The following CSPP1 variants were observed in gnomAD, a reference collection of about 807,000 sequenced individuals.
CSPP1 encodes centrosome and spindle pole-associated protein 1.
Under a neutral mutation model 164.4 loss-of-function variants are expected in CSPP1, and 126 were observed. The ratio of observed to expected loss-of-function variants is 0.77; its 90% CI spans 0.66 to 0.89. The LOEUF (loss-of-function observed/expected upper bound fraction) is 0.89. CSPP1 is among the 40% of genes least tolerant of loss of function. The probability of loss-of-function intolerance (pLI) is 0.00; values close to 1 mark genes in which losing one functional copy is unlikely to be tolerated. For synonymous variants in CSPP1, 472 were observed against 476.7 expected, an observed-to-expected ratio of 0.99 and a Z score of 0.13; for missense variants, 1,395 against 1,449.8, an observed-to-expected ratio of 0.96 and a Z score of 0.61.
intron 30 of CSPP1, 120 bp from the exon 31 acceptor site, chr8:67,195,262 C>A: frequency 1.3e-6 from 1 of 745,836 alleles, no homozygotes; most frequent in Non-Finnish European, 2.4e-6. Flanking sequence ...CAGTAGAGTT[C>A]AGGATATGAG....
chr8:67,192,605 A>AACCACAAG (rs1836682805), intron 29 of CSPP1, among the ~76,000 whole-genome samples: 2 of 152,148 alleles, frequency 1.3e-5, no homozygotes, highest in South Asian at 4.1e-4. Flanking sequence ...AACCATTGCC[A>AACCACAAG]ACCACAAGAT....
At position 67,159,950 on chromosome 8, in the gene CSPP1, CTTCCTTCTTTCTTTTCTT is replaced by C. The variant is rs1180820008; in HGVS notation, c.2538+817_2538+834del. Among the ~76,000 whole-genome samples the C allele has an allele frequency of 5.6e-3, 154 of 27,464 alleles. 1 individual carries two copies. Among genetic ancestry groups the C allele is most frequent in the South Asian group, 0.016 (11 of 688 alleles). The allele number at this position is 27,464 out of a possible 152,430, so 18.0% of individuals were successfully genotyped here. On this transcript the variant is annotated intron_variant, in intron 21 of 30. Transcript: ENST00000678616. Reference sequence around the variant, plus strand: ...CTTTCCTTCCTTCCTTCCTTCCTTCCTTCCTTCTTTCTTTTCTTTTCTTTTCTTTTCTTTTCTTTTCTT... The same window carrying C: ...CTTTCCTTCCTTCCTTCCTTCCTTCCTTCTTTTCTTTTCTTTTCTTTTCTT...
At position 67,074,356 on chromosome 8, in the gene CSPP1, A is replaced by G. The variant is rs1181143579; in HGVS notation, c.99+5A>G. ...CCACCTTACATGGAAATGAAGGTAA[A>G]TTTAATAATTTTCTTTGAACATGTT... On this transcript the variant is annotated splice_donor_5th_base_variant and intron_variant, in intron 2 of 30. Transcript: ENST00000678616. 5 of 1,541,466 alleles carry G rather than the reference A, an allele frequency of 3.2e-6. No homozygotes were observed. The highest frequency in any genetic ancestry group is 3.5e-4 in the Middle Eastern group (2 of 5,794).
rs1837873826 is a variant in CSPP1, at chr8:67,196,036, A to AAT, written c.*444_*445dup. On this transcript the variant is annotated 3_prime_UTR_variant, in exon 31 of 31. Coordinates refer to ENST00000678616, the MANE Select transcript of CSPP1 (RefSeq NM_001382391.1). Reference sequence around the variant, plus strand: ...GATTATTCCAGTTTCTGTGTGATGCAATCAAATGTCCTATTAATTAATTAT... The same window carrying AAT: ...GATTATTCCAGTTTCTGTGTGATGCAATATCAAATGTCCTATTAATTAATTAT... 6.5e-6 allele frequency: 1 copy of AAT among 154,380 alleles called. No individual in the cohort carries two copies. 9.6% of individuals were successfully genotyped at this position (154,380 alleles called of 1,614,324 possible).
At chr8:67,170,290 CAAAAAAA>C (rs113067786) in intron 24 of CSPP1, among the ~76,000 whole-genome samples, 1 of 102,526 alleles carries the variant, frequency 9.8e-6, no homozygotes, top group Non-Finnish European at 2.3e-5. Flanking sequence ...ACTAAAAATA[CAAAAAAA>C]AAAAAAAAAA....
chr8:67,098,349 TA>T (rs1170681530), intron 7 of CSPP1, among the ~76,000 whole-genome samples: 1 of 151,476 alleles, frequency 6.6e-6, no homozygotes, highest in African/African-American at 2.4e-5. Flanking sequence ...AGTTTTGGTT[TA>T]TAATAATTTT....
chr8:67,086,992 G>T (rs964253541), intron 4 of CSPP1: 6 of 404,632 alleles, frequency 1.5e-5, no homozygotes. Flanking sequence ...ATGTTTGAAT[G>T]GCACCATTTT....
intron 17 of CSPP1, among the ~76,000 whole-genome samples, chr8:67,148,485 C>A (rs1447118361): frequency 6.6e-6 from 1 of 152,190 alleles, no homozygotes; most frequent in Admixed American, 6.5e-5. Context: ...ATTATGCTTT[C>A]CTACTTATCT....
chr8:67,106,820 T>A (rs1815643556), intron 9 of CSPP1, among the ~76,000 whole-genome samples: 1 of 152,166 alleles, frequency 6.6e-6, no homozygotes, highest in Admixed American at 6.5e-5. Context: ...GTAAAAACAG[T>A]CAGTAAATTA....
chr8:67,182,896 A>G (rs1833416758), intron 28 of CSPP1, among the ~76,000 whole-genome samples: 1 of 152,196 alleles, frequency 6.6e-6, no homozygotes, highest in Admixed American at 6.5e-5. Context: ...TATCAGATAC[A>G]TGATTTGCAA....
chr8:67,151,160 G>C (rs1163037958), intron 18 of CSPP1, among the ~76,000 whole-genome samples: 3 of 152,062 alleles, frequency 2.0e-5, no homozygotes, highest in Non-Finnish European at 4.4e-5. Context: ...CCGTTTTCAT[G>C]GGCAGCTTGT....
intron 26 of CSPP1, among the ~76,000 whole-genome samples, chr8:67,176,891 G>A (rs1007548007): frequency 1.3e-5 from 2 of 151,954 alleles, no homozygotes; most frequent in African/African-American, 4.8e-5. Flanking sequence ...CCAACATAGT[G>A]AAACCCCCGT....
chr8:67,106,763 G>A (rs540546253), intron 9 of CSPP1, among the ~76,000 whole-genome samples: 4 of 152,056 alleles, frequency 2.6e-5, no homozygotes, highest in Non-Finnish European at 4.4e-5. Context: ...CTGAAATTTG[G>A]TTTTAGTAAA....
chr8:67,117,162 C>G (rs1818103160), intron 13 of CSPP1, among the ~76,000 whole-genome samples: 2 of 152,112 alleles, frequency 1.3e-5, no homozygotes, highest in African/African-American at 4.8e-5. Flanking sequence ...TGAGGATTAG[C>G]TTGTATAAAT....
At chr8:67,073,247 C>G (rs1807208190) in intron 1 of CSPP1, among the ~76,000 whole-genome samples, 1 of 152,160 alleles carries the variant, frequency 6.6e-6, no homozygotes, top group Non-Finnish European at 1.5e-5. Context: ...AATAACATCA[C>G]TAACAAGGGG....
At chr8:67,156,311 C>T (rs1365989844) in intron 19 of CSPP1, among the ~76,000 whole-genome samples, 2 of 151,948 alleles carry the variant, frequency 1.3e-5, no homozygotes, top group Admixed American at 1.3e-4. Flanking sequence ...ACCCAAGTCT[C>T]CAGACTTCAA....
intron 17 of CSPP1, among the ~76,000 whole-genome samples, chr8:67,137,982 G>T (rs1199728915): frequency 6.6e-6 from 1 of 152,118 alleles, no homozygotes; most frequent in African/African-American, 2.4e-5. Flanking sequence ...AGAAATAAAG[G>T]ATGTAAAACA....
At chr8:67,194,640 T>C (rs1586977947) in intron 30 of CSPP1, among the ~76,000 whole-genome samples, 1 of 152,018 alleles carries the variant, frequency 6.6e-6, no homozygotes, top group South Asian at 2.1e-4. Flanking sequence ...CTTTTTGTTA[T>C]TATGTGGATT....
At chr8:67,085,119 C>A (rs1245894623) in intron 3 of CSPP1, among the ~76,000 whole-genome samples, 1 of 152,002 alleles carries the variant, frequency 6.6e-6, no homozygotes, top group Non-Finnish European at 1.5e-5. Flanking sequence ...AAATTAACAT[C>A]CATTTACAGA....
Sources: allele counts gnomAD v4.1 joint callset (sites outside exome capture counted in the v4.1 genomes callset), GRCh38; gene constraint gnomAD v4.1.1; transcripts MANE v1.5; gene names NCBI Gene and HGNC (gene_info 2026-07-23, HGNC 2026-07-21).